CNTNAP2: variants seen among roughly 807,000 people sequenced by gnomAD.
CNTNAP2 encodes contactin-associated protein-like 2.
In CNTNAP2, 98 loss-of-function variants were observed where a neutral mutation model predicts 155.2. That is an observed-to-expected ratio of 0.63 (90% confidence interval 0.54 to 0.75). The LOEUF is 0.75. Among genes scored for constraint, CNTNAP2 ranks in the 30% least tolerant of loss-of-function variants. The probability of loss-of-function intolerance (pLI) is 0.00; values close to 1 mark genes in which losing one functional copy is unlikely to be tolerated. For synonymous variants in CNTNAP2, 651 were observed against 631.2 expected, an observed-to-expected ratio of 1.03 and a Z score of -0.47; for missense variants, 1,727 against 1,688.1, an observed-to-expected ratio of 1.02 and a Z score of -0.40.
At chr7:147,680,915 G>T in intron 13 of CNTNAP2, among the ~76,000 whole-genome samples, 1 of 151,762 alleles carries the variant, frequency 6.6e-6, no homozygotes, top group South Asian at 2.1e-4. Context: ...TAATAGAATA[G>T]ACATAAGGCT....
intron 10 of CNTNAP2, among the ~76,000 whole-genome samples, chr7:147,427,808 T>A (rs1437775867): frequency 1.3e-5 from 2 of 152,178 alleles, no homozygotes; most frequent in Non-Finnish European, 2.9e-5. Flanking sequence ...ACCTTTATCT[T>A]TTTTGGGACT....
chr7:146,244,925 C>T (rs1330669179), intron 1 of CNTNAP2, among the ~76,000 whole-genome samples: 13 of 150,392 alleles, frequency 8.6e-5, no homozygotes, highest in East Asian at 3.9e-4. Flanking sequence ...GGCAAATCCT[C>T]GAGCTTGATG....
intron 18 of CNTNAP2, among the ~76,000 whole-genome samples, chr7:148,186,324 A>G (rs1247895457): frequency 6.6e-6 from 1 of 152,250 alleles, no homozygotes; most frequent in African/African-American, 2.4e-5. Flanking sequence ...CTTTATTTAC[A>G]AAATGAAGAA....
chr7:147,486,652 C>G (rs1798516352), intron 11 of CNTNAP2, among the ~76,000 whole-genome samples: 1 of 152,092 alleles, frequency 6.6e-6, no homozygotes. Context: ...TAGGAAAACA[C>G]ATATGTGCCT....
chr7:147,274,599 A>G (rs754928011), intron 8 of CNTNAP2, among the ~76,000 whole-genome samples: 2 of 152,224 alleles, frequency 1.3e-5, no homozygotes, highest in South Asian at 4.1e-4. Context: ...ATAATTTGCA[A>G]ATATTTTCTT....
intron 1 of CNTNAP2, among the ~76,000 whole-genome samples, chr7:146,254,406 C>T (rs985693307): frequency 1.6e-4 from 25 of 152,090 alleles, no homozygotes; most frequent in South Asian, 6.2e-4. Flanking sequence ...ATTTAAATGT[C>T]GCCACTGCCT....
chr7:147,071,549 T>C (rs1799891648), intron 4 of CNTNAP2, among the ~76,000 whole-genome samples: 1 of 152,198 alleles, frequency 6.6e-6, no homozygotes, highest in African/African-American at 2.4e-5. Flanking sequence ...GGCCCTAGTA[T>C]GCTCTCTGGC....
intron 1 of CNTNAP2, among the ~76,000 whole-genome samples, chr7:146,310,595 T>G (rs1007666097): frequency 2.6e-5 from 4 of 152,164 alleles, no homozygotes; most frequent in Non-Finnish European, 5.9e-5. Context: ...ATGTACAGTT[T>G]AATATCTGAT....
intron 13 of CNTNAP2, among the ~76,000 whole-genome samples, chr7:147,655,837 C>T (rs2116946443): frequency 6.6e-6 from 1 of 152,302 alleles, no homozygotes; most frequent in East Asian, 1.9e-4. Flanking sequence ...AGGTTTGAAG[C>T]CAAGCGTTCA....
At chr7:148,156,605 C>G (rs755155205) in intron 17 of CNTNAP2, among the ~76,000 whole-genome samples, 47 of 152,240 alleles carry the variant, frequency 3.1e-4, no homozygotes, top group South Asian at 2.1e-3. Context: ...CAATGTCTCT[C>G]AAATTTAAAT....
At chr7:148,403,798 G>A (rs1405811548) in intron 22 of CNTNAP2, among the ~76,000 whole-genome samples, 1 of 152,150 alleles carries the variant, frequency 6.6e-6, no homozygotes, top group African/African-American at 2.4e-5. Flanking sequence ...TTGCCTCAAG[G>A]GGGTAAGCAC....
At chr7:146,696,028 G>C (rs1273873231) in intron 1 of CNTNAP2, among the ~76,000 whole-genome samples, 1 of 152,084 alleles carries the variant, frequency 6.6e-6, no homozygotes, top group Non-Finnish European at 1.5e-5. Flanking sequence ...TCTGGATGTG[G>C]TGTTGGAGTA....
chr7:146,854,680 T>C (rs1794942874), intron 3 of CNTNAP2, among the ~76,000 whole-genome samples: 1 of 152,182 alleles, frequency 6.6e-6, no homozygotes, highest in Non-Finnish European at 1.5e-5. Flanking sequence ...ATACTTAGTA[T>C]AGCACATAGT....
chr7:146,917,286 G>A (rs567859848), intron 3 of CNTNAP2, among the ~76,000 whole-genome samples: 1 of 152,154 alleles, frequency 6.6e-6, no homozygotes, highest in African/African-American at 2.4e-5. Flanking sequence ...ATATTCTGCA[G>A]TTGTTGGTTA....
At chr7:147,591,651 A>G (rs1381567210) in intron 12 of CNTNAP2, among the ~76,000 whole-genome samples, 1 of 152,072 alleles carries the variant, frequency 6.6e-6, no homozygotes, top group Non-Finnish European at 1.5e-5. Flanking sequence ...ACTCTTAATG[A>G]TCAATTGTCC....
chr7:146,722,552 GTGAGA>G (rs1389389071), intron 1 of CNTNAP2, among the ~76,000 whole-genome samples: 1 of 152,098 alleles, frequency 6.6e-6, no homozygotes, highest in Non-Finnish European at 1.5e-5. Context: ...TGGCTGGTTG[GTGAGA>G]TGAGATGAGG....
chr7:147,304,610 G>A (rs1047760193), intron 9 of CNTNAP2, among the ~76,000 whole-genome samples: 3 of 152,232 alleles, frequency 2.0e-5, no homozygotes, highest in African/African-American at 7.2e-5. Context: ...GAACTCAATG[G>A]GGAAGCAGGC....
At chr7:146,744,451 A>C (rs1801776588) in intron 1 of CNTNAP2, among the ~76,000 whole-genome samples, 2 of 152,118 alleles carry the variant, frequency 1.3e-5, no homozygotes, top group African/African-American at 4.8e-5. Flanking sequence ...TGGCTCACTC[A>C]CTTCTGCTTC....
intron 1 of CNTNAP2, among the ~76,000 whole-genome samples, chr7:146,589,131 G>A (rs1798743369): frequency 6.6e-6 from 1 of 151,958 alleles, no homozygotes; most frequent in Non-Finnish European, 1.5e-5. Context: ...AAAGCTTTTG[G>A]AATGTTTTAT....
Sources: allele counts gnomAD v4.1 joint callset (sites outside exome capture counted in the v4.1 genomes callset), GRCh38; gene constraint gnomAD v4.1.1; transcripts MANE v1.5; gene names NCBI Gene and HGNC (gene_info 2026-07-23, HGNC 2026-07-21).